SPATS2: variants seen among roughly 807,000 people sequenced by gnomAD.
SPATS2 encodes the protein spermatogenesis-associated serine-rich protein 2.
In SPATS2, 38 loss-of-function variants were observed where a neutral mutation model predicts 63.7. That is an observed-to-expected ratio of 0.60 (90% CI 0.46 to 0.78). The LOEUF (loss-of-function observed/expected upper bound fraction) is 0.78. SPATS2 is among the 30% of genes least tolerant of loss of function. SPATS2 has a pLI of 0.00. For synonymous variants in SPATS2, 207 were observed against 232.9 expected (o/e 0.89, Z 1.01); for missense variants, 588 against 666.2 (o/e 0.88, Z 1.29).
At chr12:49,518,371 A>T (rs1480775497) in intron 10 of SPATS2, among the ~76,000 whole-genome samples, 2 of 152,158 alleles carry the variant, frequency 1.3e-5, no homozygotes, top group Admixed American at 1.3e-4. Flanking sequence ...TATCCAAGTT[A>T]TATATCAGAA....
intron 3 of SPATS2, among the ~76,000 whole-genome samples, chr12:49,468,708 C>G (rs1945975742): frequency 6.6e-6 from 1 of 151,880 alleles, no homozygotes; most frequent in African/African-American, 2.4e-5. Flanking sequence ...AACTCCTTGG[C>G]TCACATGATC....
chr12:49,377,050 TTTTC>T (rs1944119907), intron 2 of SPATS2, among the ~76,000 whole-genome samples: 6 of 151,960 alleles, frequency 3.9e-5, no homozygotes, highest in Admixed American at 3.3e-4. Context: ...ACACAGGAGG[TTTTC>T]TTTCTTCTTT....
chr12:49,469,561 AAAAG>A (rs1555187854), intron 3 of SPATS2: 4 of 431,394 alleles, frequency 9.3e-6, no homozygotes, highest in South Asian at 1.7e-5. Flanking sequence ...AAAAAAAAAA[AAAAG>A]AAAAAACAAA....
At chr12:49,379,605 T>G (rs1592341062) in intron 2 of SPATS2, among the ~76,000 whole-genome samples, 1 of 143,970 alleles carries the variant, frequency 6.9e-6, no homozygotes, top group African/African-American at 2.5e-5. Flanking sequence ...CCTACAACCA[T>G]CACCTCTATC....
At position 49,422,319 on chromosome 12, in the gene SPATS2, T is replaced by C. The variant is rs371118264; in HGVS notation, c.-243-38451T>C. Among the ~76,000 whole-genome samples, 12 of 152,286 alleles carry C rather than the reference T, an allele frequency of 7.9e-5. No homozygotes were observed. In the East Asian group the frequency reaches 9.6e-4, roughly 12 times the overall value. On this transcript the variant is annotated intron_variant, in intron 2 of 13. Coordinates refer to ENST00000552918, the MANE Select transcript of SPATS2 (RefSeq NM_023071.4). ...AAGTACTTCACAGAATTACATGACA[T>C]GTATGTAATGGATGTTACAGTGGCT...
At chr12:49,403,835 T>G (rs1371145771) in intron 2 of SPATS2, among the ~76,000 whole-genome samples, 2 of 152,168 alleles carry the variant, frequency 1.3e-5, no homozygotes, top group African/African-American at 4.8e-5. Context: ...GAATTAGCTT[T>G]AGATTCCTTA....
intron 2 of SPATS2, among the ~76,000 whole-genome samples, chr12:49,410,265 G>A (rs1394447674): frequency 1.3e-5 from 2 of 151,826 alleles, no homozygotes; most frequent in Non-Finnish European, 2.9e-5. Flanking sequence ...TAGTAGAGAC[G>A]GGGTTTCACC....
chr12:49,479,744 CAACTT>C (rs1366136725), intron 3 of SPATS2, among the ~76,000 whole-genome samples: 1 of 152,148 alleles, frequency 6.6e-6, no homozygotes, highest in Admixed American at 6.6e-5. Context: ...TGTTAGTACT[CAACTT>C]ACTTTATGTA....
chr12:49,421,795 T>G (rs1044002937), intron 2 of SPATS2, among the ~76,000 whole-genome samples: 1 of 152,176 alleles, frequency 6.6e-6, no homozygotes, highest in African/African-American at 2.4e-5. Flanking sequence ...CTTCCTCAGA[T>G]TAGTGTTGAA....
At position 49,493,357 on chromosome 12, in the gene SPATS2, C is replaced by CTCAAAAT. The variant is rs1057296305; in HGVS notation, c.265-1377_265-1371dup. Among the ~76,000 whole-genome samples the CTCAAAAT allele has an allele frequency of 5.4e-4, 81 of 151,038 alleles. 1 individual carries two copies. The highest frequency in any genetic ancestry group is 7.4e-5 in the Non-Finnish European group (5 of 67,890). On this transcript the variant is annotated intron_variant, in intron 6 of 13. Transcript: ENST00000552918. Reference sequence around the variant, plus strand: ...TTGCCTATGCAATATACTCACATGGCTCAAAATTCAAAAGTACAAGAGTTA... The same window carrying CTCAAAAT: ...TTGCCTATGCAATATACTCACATGGCTCAAAATTCAAAATTCAAAAGTACAAGAGTTA...
At chr12:49,512,435 GT>G (rs926806934) in intron 9 of SPATS2, among the ~76,000 whole-genome samples, 7 of 150,894 alleles carry the variant, frequency 4.6e-5, no homozygotes, top group Admixed American at 6.6e-5. Context: ...TTATAAGCTA[GT>G]TTTTTTTTAA....
intron 2 of SPATS2, among the ~76,000 whole-genome samples, chr12:49,378,279 T>G (rs1427992916): frequency 6.7e-6 from 1 of 150,326 alleles, no homozygotes; most frequent in Non-Finnish European, 1.5e-5. Context: ...TATTTTATTT[T>G]ATTTTATTTT....
intron 2 of SPATS2, among the ~76,000 whole-genome samples, chr12:49,443,800 T>G (rs750865027): frequency 5.9e-5 from 9 of 152,204 alleles, no homozygotes; most frequent in Non-Finnish European, 1.3e-4. Flanking sequence ...TCCATAGATA[T>G]GAAGGTTTAT....
intron 9 of SPATS2, among the ~76,000 whole-genome samples, chr12:49,503,697 A>G (rs1946607948): frequency 1.3e-5 from 2 of 152,098 alleles, no homozygotes; most frequent in African/African-American, 4.8e-5. Flanking sequence ...GGTCATCACA[A>G]CTTTGCTTTG....
At chr12:49,436,802 G>A (rs1245088103) in intron 2 of SPATS2, among the ~76,000 whole-genome samples, 1 of 141,322 alleles carries the variant, frequency 7.1e-6, no homozygotes, top group Non-Finnish European at 1.6e-5. Context: ...TTCCCAGTAG[G>A]GGCGGCCGGG....
At chr12:49,425,822 G>A (rs1405429622) in intron 2 of SPATS2, among the ~76,000 whole-genome samples, 1 of 151,712 alleles carries the variant, frequency 6.6e-6, no homozygotes, top group Non-Finnish European at 1.5e-5. Flanking sequence ...AGTAGAGACG[G>A]GGGTTTCACC....
At chr12:49,452,566 C>CT (rs1258012843) in intron 2 of SPATS2, among the ~76,000 whole-genome samples, 1 of 152,218 alleles carries the variant, frequency 6.6e-6, no homozygotes, top group African/African-American at 2.4e-5. Context: ...GCATGAGCCA[C>CT]TGCACCTGGC....
chr12:49,421,963 T>G (rs1944991915), intron 2 of SPATS2, among the ~76,000 whole-genome samples: 1 of 152,218 alleles, frequency 6.6e-6, no homozygotes, highest in South Asian at 2.1e-4. Flanking sequence ...ATATTAGTCC[T>G]TAAATGTACA....
intron 2 of SPATS2, among the ~76,000 whole-genome samples, chr12:49,413,604 T>C (rs982444342): frequency 6.6e-6 from 1 of 152,044 alleles, no homozygotes; most frequent in Non-Finnish European, 1.5e-5. Flanking sequence ...CAGAATACAC[T>C]CACCCCTTCT....
Sources: allele counts gnomAD v4.1 joint callset (sites outside exome capture counted in the v4.1 genomes callset), GRCh38; gene constraint gnomAD v4.1.1; transcripts MANE v1.5; gene names NCBI Gene and HGNC (gene_info 2026-07-23, HGNC 2026-07-21).